The following MITF variants were observed in gnomAD, a reference collection of about 807,000 sequenced individuals.
MITF encodes melanocyte inducing transcription factor.
A neutral mutation model predicts 60.5 loss-of-function variants in MITF; 17 were observed. The ratio of observed to expected loss-of-function variants is 0.28; its 90% confidence interval spans 0.19 to 0.42. The LOEUF (loss-of-function observed/expected upper bound fraction) is 0.42, where lower values mean the gene tolerates loss of function less well. MITF is among the 10% of genes least tolerant of loss of function. The pLI is 1.00. For missense variants in MITF, 622 were observed against 683.5 expected, an observed-to-expected ratio of 0.91 and a Z score of 1.00; for synonymous variants, 260 against 248.5, an observed-to-expected ratio of 1.05 and a Z score of -0.43.
intron 2 of MITF, among the ~76,000 whole-genome samples, chr3:69,929,999 G>A (rs902258252): frequency 9.9e-5 from 15 of 151,922 alleles, no homozygotes; most frequent in African/African-American, 3.1e-4. Context: ...ACCTACCCCC[G>A]CCCCCAACAA....
chr3:69,957,488 A>G (rs1053934133), intron 8 of MITF, among the ~76,000 whole-genome samples: 6 of 152,220 alleles, frequency 3.9e-5, no homozygotes, highest in South Asian at 2.1e-4. Context: ...GCACAATTCC[A>G]TCTTCAATGT....
Position 69,964,877 on chromosome 3 carries a change from C to A in MITF, c.1210C>A (p.Leu404Ile). ...TGAAATGCAGGCTCGAGCTCATGGA[C>A]TTTCCCTTATTCCATCCACGGGTCT... Reference protein sequence around the residue: ...ELEMQARAHGLSLIPSTGLCS... With the variant: ...ELEMQARAHGISLIPSTGLCS... The change falls in exon 10 of 10, where the codon CTT (leucine) becomes ATT (isoleucine). Residue 404 changes from leucine (L) to isoleucine (I), a missense_variant. Physicochemically the swap from Leu to Ile is conservative, Grantham distance 5. Transcript: ENST00000352241. 1 of 1,614,142 alleles carries A rather than the reference C, an allele frequency of 6.2e-7. No individual in the cohort carries two copies. Among genetic ancestry groups the A allele is most frequent in the Non-Finnish European group, 8.5e-7 (1 of 1,180,018 alleles).
chr3:69,922,126 G>A (rs1360558122), intron 2 of MITF, among the ~76,000 whole-genome samples: 1 of 152,192 alleles, frequency 6.6e-6, no homozygotes, highest in Non-Finnish European at 1.5e-5. Context: ...TGGGTTGTAA[G>A]CCCCTTGATG....
intron 1 of MITF, among the ~76,000 whole-genome samples, chr3:69,760,073 C>T (rs1268242602): frequency 6.6e-6 from 1 of 152,244 alleles, no homozygotes; most frequent in Non-Finnish European, 1.5e-5. Context: ...CCACTGCGCC[C>T]AGCCCTGATC....
At chr3:69,963,902 CAAAGCTGAAGGACCATG>C (rs940891589) in intron 9 of MITF, among the ~76,000 whole-genome samples, 33 of 150,806 alleles carry the variant, frequency 2.2e-4, no homozygotes, top group South Asian at 8.4e-4. Context: ...GACCTCAGTG[CAAAGCTGAAGGACCATG>C]AAAGCTGAAG....
rs1361109491 is a variant in MITF, at chr3:69,899,436, G to T, written c.354+20053G>T. Among the ~76,000 whole-genome samples the T allele has an allele frequency of 2.0e-5, 3 of 152,162 alleles. No homozygotes were observed. The South Asian group carries it at 6.2e-4, about 32-fold the overall frequency. On this transcript the variant is annotated intron_variant, in intron 2 of 9. Coordinates refer to ENST00000352241, the MANE Select transcript of MITF (RefSeq NM_001354604.2). ...AAGAGCAATGGGAAGCCATGGAAAG[G>T]CATGGGAAGCCATGGAAAGGTATAG...
chr3:69,856,473 A>G (rs746663307), intron 1 of MITF, among the ~76,000 whole-genome samples: 10 of 152,318 alleles, frequency 6.6e-5, no homozygotes, highest in Non-Finnish European at 1.3e-4. Context: ...TTGAAGACAT[A>G]TTAGCATCAA....
intron 2 of MITF, among the ~76,000 whole-genome samples, chr3:69,894,128 A>G (rs2064820432): frequency 6.6e-6 from 1 of 152,224 alleles, no homozygotes; most frequent in African/African-American, 2.4e-5. Flanking sequence ...TGATTTTATT[A>G]ACTGTTCACT....
intron 1 of MITF, among the ~76,000 whole-genome samples, chr3:69,796,530 C>T (rs535466982): frequency 3.6e-5 from 3 of 84,398 alleles, no homozygotes; most frequent in South Asian, 2.8e-4. Context: ...GACGGAGTCT[C>T]GCTCTGTCGC....
intron 1 of MITF, among the ~76,000 whole-genome samples, chr3:69,810,839 G>A (rs2063089582): frequency 1.3e-5 from 2 of 152,142 alleles, no homozygotes; most frequent in South Asian, 4.1e-4. Context: ...CCTTCATGGA[G>A]CTTATATTTT....
chr3:69,751,742 GTGGCCTCTGTTT>G (rs1443234165), intron 1 of MITF, among the ~76,000 whole-genome samples: 2 of 152,002 alleles, frequency 1.3e-5, no homozygotes, highest in East Asian at 3.9e-4. Context: ...AGTTATTCTT[GTGGCCTCTGTTT>G]CAACAGAGGC....
chr3:69,863,912 T>C (rs80347255), intron 1 of MITF, among the ~76,000 whole-genome samples: 1 of 152,204 alleles, frequency 6.6e-6, no homozygotes, highest in Admixed American at 6.5e-5. Flanking sequence ...TTATTCCCTA[T>C]CCTTTCTTTA....
rs1559760895 is a variant in MITF, at chr3:69,968,164, G to A, written c.*2916G>A. ...TCTTGATAAAAAATGACAAATGACT[G>A]TCTCTTGCGGATGCTTGGTACTGTA... On this transcript the variant is annotated 3_prime_UTR_variant, in exon 10 of 10. Transcript: ENST00000352241. 8.6e-6 allele frequency: 2 copies of A among 233,136 alleles called. No homozygotes were observed. The highest frequency in any genetic ancestry group is 6.1e-5 in the East Asian group (1 of 16,494). The allele number at this position is 233,136 out of a possible 1,614,324, so 14.4% of individuals were successfully genotyped here.
intron 1 of MITF, among the ~76,000 whole-genome samples, chr3:69,870,424 G>GTATATA (rs1217631745): frequency 6.9e-6 from 1 of 145,204 alleles, no homozygotes; most frequent in African/African-American, 2.5e-5. Flanking sequence ...ATATGTGTGT[G>GTATATA]TATATATATA....
chr3:69,781,113 C>A (rs949012719), intron 1 of MITF, among the ~76,000 whole-genome samples: 1 of 151,520 alleles, frequency 6.6e-6, no homozygotes, highest in South Asian at 2.1e-4. Flanking sequence ...TCTGGAGAAA[C>A]CTGGTTGTTA....
intron 1 of MITF, among the ~76,000 whole-genome samples, chr3:69,794,966 T>TTTATGA (rs1244215062): frequency 6.6e-6 from 1 of 152,222 alleles, no homozygotes; most frequent in East Asian, 1.9e-4. Context: ...GTGTGAGTAG[T>TTTATGA]AGGCTCTGTA....
chr3:69,854,138 G>T (rs534934249), intron 1 of MITF, among the ~76,000 whole-genome samples: 2 of 152,046 alleles, frequency 1.3e-5, no homozygotes, highest in African/African-American at 4.8e-5. Flanking sequence ...GTGAGCCACC[G>T]AGCCCAGCTG....
At chr3:69,958,144 T>C (rs527795276) in intron 8 of MITF, among the ~76,000 whole-genome samples, 1 of 152,358 alleles carries the variant, frequency 6.6e-6, no homozygotes, top group African/African-American at 2.4e-5. Context: ...GATAATTGGT[T>C]GAAACAATCA....
At chr3:69,757,278 T>G (rs1211607997) in intron 1 of MITF, among the ~76,000 whole-genome samples, 1 of 152,170 alleles carries the variant, frequency 6.6e-6, no homozygotes, top group Non-Finnish European at 1.5e-5. Flanking sequence ...CAAGGCAGTG[T>G]TTTTCAAAAT....
Sources: allele counts gnomAD v4.1 joint callset (sites outside exome capture counted in the v4.1 genomes callset), GRCh38; gene constraint gnomAD v4.1.1; transcripts MANE v1.5; gene names NCBI Gene and HGNC (gene_info 2026-07-23, HGNC 2026-07-21).